The following CFL1 variants were observed in gnomAD, a reference collection of about 807,000 sequenced individuals.
CFL1 encodes cofilin-1.
CFL1 carries 2 observed loss-of-function variants against 16.3 expected under a neutral mutation model. That is an observed-to-expected ratio of 0.12 (90% CI 0.05 to 0.39). The LOEUF (loss-of-function observed/expected upper bound fraction) is 0.39. Among genes scored for constraint, CFL1 ranks in the 10% least tolerant of loss-of-function variants. The probability of loss-of-function intolerance (pLI) is 0.99; values close to 1 mark genes in which losing one functional copy is unlikely to be tolerated. For missense variants in CFL1, 75 were observed against 212.2 expected (o/e 0.35, Z 4.02); for synonymous variants, 111 against 84.4 (o/e 1.31, Z -1.73).
intron 2 of CFL1, 67 bp downstream of exon 2, chr11:65,855,868 G>A: frequency 1.3e-6 from 2 of 1,558,052 alleles, no homozygotes; most frequent in Non-Finnish European, 1.8e-6. Flanking sequence ...GGTTGACCAG[G>A]AGCCACAGAA....
At chr11:65,855,774 C>T in intron 2 of CFL1, 44 bp from the exon 3 acceptor site, 1 of 1,520,042 alleles carries the variant, frequency 6.6e-7, no homozygotes, top group Non-Finnish European at 8.8e-7. Flanking sequence ...AACAGCAAAG[C>T]CACAGGTGAC....
At chr11:65,856,683 G>A (rs567371173) in intron 1 of CFL1, 3 of 196,708 alleles carry the variant, frequency 1.5e-5, no homozygotes, top group East Asian at 1.4e-4. Context: ...AATGCTAGAT[G>A]GGACCCCAAG....
At chr11:65,856,290 G>A (rs1391939578) in intron 1 of CFL1, 48 bp from the exon 2 acceptor site, 1 of 1,564,364 alleles carries the variant, frequency 6.4e-7, no homozygotes, top group South Asian at 1.2e-5. Flanking sequence ...CTAGGGAACT[G>A]CCCCTTGTTT....
In CFL1 at chr11:65,855,897, G is replaced by A. The variant is rs752029718; in HGVS notation, c.311+38C>T. The A allele has an allele frequency of 1.0e-5, 16 of 1,588,330 alleles. No individual in the cohort carries two copies. The African/African-American group carries it at 1.6e-4, about 16-fold the overall frequency. On this transcript the variant is annotated intron_variant, in intron 2 of 3. Coordinates refer to ENST00000308162, the MANE Select transcript of CFL1 (RefSeq NM_005507.3). ...CACAGAAGTTCCCATCATGAGAAAG[G>A]GGGCAGGTGACAGGAAGAAGTGCCA...
intron 1 of CFL1, 25 bp from the exon 2 acceptor site, chr11:65,856,267 CAAGAAAAGGATTCTAGGG>C (rs1859383449): frequency 6.2e-7 from 1 of 1,601,618 alleles, no homozygotes; most frequent in African/African-American, 1.3e-5. Context: ...ACGTATACGT[CAAGAAAAGGATTCTAGGG>C]AACTGCCCCT....
intron 1 of CFL1, 104 bp downstream of exon 1, chr11:65,857,993 G>A (rs117231452): frequency 0.06 from 76,803 of 1,273,924 alleles, 5,475 homozygotes; most frequent in East Asian, 0.26. Flanking sequence ...CATCCCGCCC[G>A]GGGCGCTGGG....
In CFL1 at chr11:65,854,951, G is replaced by A. The variant is rs1438736220; in HGVS notation, c.*385C>T. Reference sequence around the variant, plus strand: ...CTCCACAACATTCCATTTATACACAGAACTAAACAGACAAGCACAGAGTCA... The same window carrying A: ...CTCCACAACATTCCATTTATACACAAAACTAAACAGACAAGCACAGAGTCA... On this transcript the variant is annotated 3_prime_UTR_variant, in exon 4 of 4. Transcript: ENST00000308162. 3 of 237,166 alleles carry A rather than the reference G, an allele frequency of 1.3e-5. No individual in the cohort carries two copies. The highest frequency in any genetic ancestry group is 2.2e-4 in the East Asian group (2 of 8,922). The allele number at this position is 237,166 out of a possible 1,614,324, so 14.7% of individuals were successfully genotyped here.
Position 65,855,028 on chromosome 11 carries a change from A to C in CFL1, c.*308T>G. ...GGGAAGGGGGAGGACCAGGTGGGGA[A>C]TGGGGATGTTGTTAAAAAAAATACA... On this transcript the variant is annotated 3_prime_UTR_variant, in exon 4 of 4. Transcript: ENST00000308162. 14 of 337,614 alleles carry C rather than the reference A, an allele frequency of 4.1e-5. No individual in the cohort carries two copies. The highest frequency in any genetic ancestry group is 7.0e-5 in the East Asian group (1 of 14,252). The allele number at this position is 337,614 out of a possible 1,614,324, so 20.9% of individuals were successfully genotyped here.
rs749819712 is a variant in CFL1, at chr11:65,855,712, G to A, written c.330C>T (p.Pro110=). Residue 110 remains proline, a synonymous_variant, in exon 3 of 4, where the codon CCC becomes CCT. Coordinates refer to ENST00000308162, the MANE Select transcript of CFL1 (RefSeq NM_005507.3). ...TGGCATAAATCATTTTGCTCTTAAG[G>A]GGCGCAGACTCGGGGGCCCTGGACA... ...VFIFWAPESA[P]LKSKMIYASS... 159 of 1,560,878 alleles carry A rather than the reference G, an allele frequency of 1.0e-4. No individual in the cohort carries two copies. The highest frequency in any genetic ancestry group is 1.3e-4 in the Non-Finnish European group (150 of 1,155,646).
chr11:65,857,897 G>T (rs1411107425), intron 1 of CFL1, 200 bp downstream of exon 1: 3 of 382,160 alleles, frequency 7.9e-6, no homozygotes, highest in Non-Finnish European at 9.0e-6. Context: ...CAGGCGGAGC[G>T]CGAGCGACGT....
chr11:65,857,838 C>G (rs906076789), intron 1 of CFL1: 4 of 276,138 alleles, frequency 1.4e-5, no homozygotes, highest in East Asian at 1.3e-4. Flanking sequence ...ACCCCTCCCC[C>G]CGCGGCCGGT....
intron 1 of CFL1, chr11:65,856,635 G>A (rs994984051): frequency 1.7e-5 from 4 of 237,708 alleles, no homozygotes; most frequent in Non-Finnish European, 3.4e-5. Context: ...CCAAACACCT[G>A]AGCCAAGACT....
At chr11:65,856,427 G>A in intron 1 of CFL1, 185 bp from the exon 2 acceptor site, 1 of 596,648 alleles carries the variant, frequency 1.7e-6, no homozygotes, top group Non-Finnish European at 3.0e-6. Flanking sequence ...GGCAGCCATG[G>A]CCTCTGATCA....
intron 1 of CFL1, chr11:65,857,398 G>T (rs747851129): frequency 2.3e-6 from 1 of 431,802 alleles, no homozygotes; most frequent in Non-Finnish European, 4.7e-6. Flanking sequence ...CGCGCCGACA[G>T]ACAGCGCCGT....
At chr11:65,856,482 A>T (rs1414729358) in intron 1 of CFL1, 1 of 492,722 alleles carries the variant, frequency 2.0e-6, no homozygotes, top group Non-Finnish European at 3.7e-6. Flanking sequence ...ATAGAAATGC[A>T]AAACTCGTGA....
In CFL1 at chr11:65,858,154, G is replaced by A. The variant is rs1390541833; in HGVS notation, c.-55C>T. On this transcript the variant is annotated 5_prime_UTR_variant, in exon 1 of 4. Transcript: ENST00000308162. ...GAGAGCCGCAGAAGACGAGAGCGCT[G>A]CAGCCGCTGCCGGGACCCGACTGAA... The A allele has an allele frequency of 9.9e-6, 15 of 1,511,524 alleles. No individual in the cohort carries two copies. Among genetic ancestry groups the A allele is most frequent in the Non-Finnish European group, 1.2e-5 (14 of 1,128,802 alleles). The allele number at this position is 1,511,524 out of a possible 1,614,324, so 93.6% of individuals were successfully genotyped here. A position where few individuals can be genotyped will look rare whatever the true frequency, so the allele number is the denominator to read the frequency against.
chr11:65,857,940 G>A (rs1591048272), intron 1 of CFL1, 157 bp downstream of exon 1: 5 of 674,344 alleles, frequency 7.4e-6, no homozygotes, highest in Non-Finnish European at 1.1e-5. Flanking sequence ...CCACGGGCGC[G>A]CACGCGCATT....
intron 1 of CFL1, chr11:65,857,356 G>C (rs1046990230): frequency 7.1e-5 from 27 of 380,774 alleles, no homozygotes; most frequent in African/African-American, 5.0e-4. Flanking sequence ...CCAGGGCTTC[G>C]GCACCGGCGG....
At chr11:65,856,542 G>C in intron 1 of CFL1, 1 of 360,308 alleles carries the variant, frequency 2.8e-6, no homozygotes, top group South Asian at 2.8e-5. Flanking sequence ...AGATCCACCG[G>C]CTACTGACTC....
Sources: allele counts gnomAD v4.1 joint callset, GRCh38; gene constraint gnomAD v4.1.1; transcripts MANE v1.5; gene names NCBI Gene and HGNC (gene_info 2026-07-23, HGNC 2026-07-21).